CLVS1: variants seen among roughly 807,000 people sequenced by gnomAD.
The protein encoded by CLVS1 is clavesin 1, also known as clavesin-1.
In CLVS1, 10 loss-of-function variants were observed where a neutral mutation model predicts 33.1. The observed-to-expected ratio is 0.30, with a 90% CI of 0.19 to 0.51. The LOEUF is 0.51. Among genes scored for constraint, CLVS1 ranks in the 20% least tolerant of loss-of-function variants. The pLI is 0.97. For missense variants in CLVS1, 343 were observed against 433.4 expected (o/e 0.79, Z 1.85); for synonymous variants, 163 against 166.1 (o/e 0.98, Z 0.14).
At chr8:61,351,148 C>T (rs563143102) in intron 2 of CLVS1, among the ~76,000 whole-genome samples, 40 of 151,976 alleles carry the variant, frequency 2.6e-4, no homozygotes, top group African/African-American at 9.2e-4. Flanking sequence ...TAAATAGGAC[C>T]ATATAAATGC....
intron 2 of CLVS1, among the ~76,000 whole-genome samples, chr8:61,252,011 GGT>G (rs1367160407): frequency 6.6e-6 from 1 of 151,766 alleles, no homozygotes; most frequent in East Asian, 1.9e-4. Flanking sequence ...GTGATGTTAG[GGT>G]GTCAGTTTTA....
chr8:61,497,993 T>G (rs1384409362), intron 5 of CLVS1, among the ~76,000 whole-genome samples: 1 of 152,174 alleles, frequency 6.6e-6, no homozygotes, highest in Admixed American at 6.5e-5. Flanking sequence ...TTGTCTGGCT[T>G]TTTTACTACA....
upstream of CLVS1, among the ~76,000 whole-genome samples, chr8:61,285,561 T>C (rs925236844): frequency 7.9e-5 from 12 of 152,210 alleles, no homozygotes; most frequent in African/African-American, 2.7e-4. Context: ...GGCCTGCTTA[T>C]AAGCATCTTT....
chr8:61,123,778 G>C (rs1321379547), intron 1 of CLVS1, among the ~76,000 whole-genome samples: 2 of 152,150 alleles, frequency 1.3e-5, no homozygotes, highest in Non-Finnish European at 2.9e-5. Flanking sequence ...TGCTCACTCA[G>C]CCAGGCTGGC....
intron 1 of CLVS1, among the ~76,000 whole-genome samples, chr8:61,099,918 AC>A (rs1167263603): frequency 6.6e-6 from 1 of 152,368 alleles, no homozygotes; most frequent in East Asian, 1.9e-4. Flanking sequence ...ATATATAGTT[AC>A]AGCTACTTCG....
chr8:61,479,218 C>T (rs1818082825), intron 5 of CLVS1, among the ~76,000 whole-genome samples: 1 of 151,948 alleles, frequency 6.6e-6, no homozygotes, highest in Admixed American at 6.6e-5. Context: ...TCAGGTACAC[C>T]AATCAGATGT....
the CLVS1 span, among the ~76,000 whole-genome samples, chr8:61,042,714 G>A: frequency 1.3e-5 from 2 of 152,188 alleles, no homozygotes; most frequent in Admixed American, 1.3e-4. Context: ...AGCTATAGCA[G>A]CCATTATAGG....
chr8:61,216,614 C>G (rs577383363), intron 2 of CLVS1, among the ~76,000 whole-genome samples: 3 of 152,160 alleles, frequency 2.0e-5, no homozygotes, highest in Non-Finnish European at 4.4e-5. Flanking sequence ...TATAAGATGA[C>G]AGTTTAGTAA....
chr8:61,353,219 A>G (rs370389263), intron 2 of CLVS1, among the ~76,000 whole-genome samples: 17 of 152,052 alleles, frequency 1.1e-4, no homozygotes, highest in African/African-American at 3.6e-4. Flanking sequence ...TTTATAGAAC[A>G]CATCACACAA....
At chr8:61,390,905 C>T (rs1814276640) in intron 3 of CLVS1, 1 of 151,782 alleles carries the variant, frequency 6.6e-6, no homozygotes, top group Non-Finnish European at 1.5e-5. Flanking sequence ...GTCTGTTAAA[C>T]TGCCTTTGCT....
At chr8:61,232,023 G>GTTTGTTTGTTTGTTTGTTTTTTGTTTTTT in intron 2 of CLVS1, among the ~76,000 whole-genome samples, 1 of 62,628 alleles carries the variant, frequency 1.6e-5, no homozygotes, top group African/African-American at 4.7e-5. Context: ...GAAAGTTGTG[G>GTTTGTTTGTTTGTTTGTTTTTTGTTTTTT]TTTTTTTTTT....
chr8:60,998,196 G>A, the CLVS1 span, among the ~76,000 whole-genome samples: 1 of 152,154 alleles, frequency 6.6e-6, no homozygotes, highest in Admixed American at 6.5e-5. Flanking sequence ...GGGGCTGGTA[G>A]TTGGCAGCGA....
In CLVS1 at chr8:61,206,375, G is replaced by A. The variant is rs183438790; in HGVS notation, c.-152+74515G>A. ...TTTGGAGCAGGAGGTGGTGTGTATGGTAATGAATAGAATGACTAAAAGTAC... is the reference window on the plus strand; with the variant it reads ...TTTGGAGCAGGAGGTGGTGTGTATGATAATGAATAGAATGACTAAAAGTAC... On this transcript the variant is annotated intron_variant, in intron 2 of 2. Transcript: ENST00000522621. Among the ~76,000 whole-genome samples the A allele has an allele frequency of 6.6e-5, 10 of 152,226 alleles. No homozygotes were observed. In the East Asian group the frequency reaches 1.9e-3, roughly 29 times the overall value.
intron 1 of CLVS1, among the ~76,000 whole-genome samples, chr8:61,110,231 T>A (rs141748828): frequency 6.6e-6 from 1 of 152,234 alleles, no homozygotes; most frequent in Non-Finnish European, 1.5e-5. Flanking sequence ...TGGCTGCCTT[T>A]TCTCAAGTAG....
chr8:60,980,714 A>G, the CLVS1 span, among the ~76,000 whole-genome samples: 7 of 152,282 alleles, frequency 4.6e-5, no homozygotes, highest in Middle Eastern at 6.8e-3. Context: ...TGAACTCGGG[A>G]GGTGGAGGTT....
chr8:61,484,804 C>T (rs1332903792), intron 5 of CLVS1, among the ~76,000 whole-genome samples: 2 of 152,118 alleles, frequency 1.3e-5, no homozygotes, highest in Non-Finnish European at 2.9e-5. Flanking sequence ...TCTACAACCA[C>T]CTGATCTTTG....
At chr8:61,162,404 T>G (rs1193876058) in intron 2 of CLVS1, among the ~76,000 whole-genome samples, 1 of 152,220 alleles carries the variant, frequency 6.6e-6, no homozygotes, top group Non-Finnish European at 1.5e-5. Flanking sequence ...AGATTTGGCA[T>G]AGCTGGCAGG....
intron 2 of CLVS1, among the ~76,000 whole-genome samples, chr8:61,243,564 G>A (rs1331822470): frequency 6.6e-6 from 1 of 152,194 alleles, no homozygotes; most frequent in African/African-American, 2.4e-5. Context: ...AGAAACATGA[G>A]TAACTTCTGG....
the CLVS1 span, among the ~76,000 whole-genome samples, chr8:61,031,629 AAC>A: frequency 6.6e-6 from 1 of 152,226 alleles, no homozygotes; most frequent in African/African-American, 2.4e-5. Flanking sequence ...GTAGTAAATG[AAC>A]ACAGAACTGC....
Sources: allele counts gnomAD v4.1 joint callset (sites outside exome capture counted in the v4.1 genomes callset), GRCh38; gene constraint gnomAD v4.1.1; transcripts MANE v1.5; gene names NCBI Gene and HGNC (gene_info 2026-07-23, HGNC 2026-07-21).